The following EPHA3 variants were observed in gnomAD, a reference collection of about 807,000 sequenced individuals.
The protein encoded by EPHA3 is EPH receptor A3.
EPHA3 carries 42 observed loss-of-function variants against 107.1 expected under a neutral mutation model. The observed-to-expected ratio is 0.39, with a 90% CI of 0.31 to 0.51. The LOEUF (loss-of-function observed/expected upper bound fraction) is 0.51, where lower values mean the gene tolerates loss of function less well. EPHA3 is among the 20% of genes least tolerant of loss of function. The pLI is 0.78. For missense variants in EPHA3, 1,183 were observed against 1,211.2 expected (o/e 0.98, Z 0.35); for synonymous variants, 461 against 424.8 (o/e 1.09, Z -1.05).
At chr3:89,352,713 G>A (rs1707855689) in intron 5 of EPHA3, among the ~76,000 whole-genome samples, 1 of 150,516 alleles carries the variant, frequency 6.6e-6, no homozygotes, top group South Asian at 2.1e-4. Flanking sequence ...AGACCAGCCT[G>A]GTCAACATGG....
At chr3:89,372,531 C>T (rs1708328108) in intron 5 of EPHA3, among the ~76,000 whole-genome samples, 3 of 151,450 alleles carry the variant, frequency 2.0e-5, no homozygotes, top group Admixed American at 2.0e-4. Context: ...TTAACCACTT[C>T]ATCAGACTTG....
intron 5 of EPHA3, among the ~76,000 whole-genome samples, chr3:89,359,766 T>TAC (rs565012832): frequency 1.3e-5 from 1 of 79,804 alleles, no homozygotes; most frequent in East Asian, 2.4e-4. Context: ...TACACATATA[T>TAC]ACACACATAT....
intron 2 of EPHA3, among the ~76,000 whole-genome samples, chr3:89,197,145 T>TAA (rs1705854632): frequency 6.6e-6 from 1 of 152,186 alleles, no homozygotes; most frequent in African/African-American, 2.4e-5. Flanking sequence ...TAAAAGGACC[T>TAA]AAATGACCTT....
intron 2 of EPHA3, among the ~76,000 whole-genome samples, chr3:89,164,780 G>A (rs1705028190): frequency 1.3e-5 from 2 of 152,148 alleles, no homozygotes; most frequent in African/African-American, 4.8e-5. Context: ...ATGTGTGCTG[G>A]TAGGATAATG....
At position 89,344,285 on chromosome 3, in the gene EPHA3, G is replaced by A. The variant is rs190123024; in HGVS notation, c.1306+2195G>A. Among the ~76,000 whole-genome samples, 7 of 152,188 alleles carry A rather than the reference G, an allele frequency of 4.6e-5. No individual in the cohort carries two copies. In the East Asian group the frequency reaches 1.2e-3, roughly 25 times the overall value. Reference sequence around the variant, plus strand: ...AAAGTGGCAACCAAGATCAGGCCAAGACATTAAAAAATAAATGAGATTGAT... The same window carrying A: ...AAAGTGGCAACCAAGATCAGGCCAAAACATTAAAAAATAAATGAGATTGAT... On this transcript the variant is annotated intron_variant, in intron 5 of 16. Coordinates refer to ENST00000336596, the MANE Select transcript of EPHA3 (RefSeq NM_005233.6).
chr3:89,303,876 T>C (rs570415373), intron 3 of EPHA3, among the ~76,000 whole-genome samples: 1 of 152,270 alleles, frequency 6.6e-6, no homozygotes, highest in African/African-American at 2.4e-5. Flanking sequence ...TGTTTTTATG[T>C]CCAAAGTGAC....
intron 3 of EPHA3, among the ~76,000 whole-genome samples, chr3:89,212,505 G>C (rs1308541600): frequency 6.6e-6 from 1 of 151,804 alleles, no homozygotes; most frequent in African/African-American, 2.4e-5. Context: ...ATATTTTTTA[G>C]ATCCCAGCAT....
intron 11 of EPHA3, among the ~76,000 whole-genome samples, chr3:89,423,527 G>T (rs555909646): frequency 6.6e-6 from 1 of 151,432 alleles, no homozygotes; most frequent in East Asian, 1.9e-4. Flanking sequence ...AATTTACAGA[G>T]ATAGTTTGTT....
rs182310987 is a variant in EPHA3 at position 89,429,791 on chromosome 3, G to C, written c.2136+624G>C. On this transcript the variant is annotated intron_variant, in intron 12 of 16. Coordinates refer to ENST00000336596, the MANE Select transcript of EPHA3 (RefSeq NM_005233.6). ...TTGTTGCCCAGGCAATGGTGCAATG[G>C]TGCAATGGTGCAATGGTGCAATGGT... Among the ~76,000 whole-genome samples the C allele has an allele frequency of 2.7e-5, 4 of 148,110 alleles. No individual in the cohort carries two copies. In the East Asian group the frequency reaches 7.8e-4, roughly 29 times the overall value.
chr3:89,189,293 T>C (rs1705645616), intron 2 of EPHA3, among the ~76,000 whole-genome samples: 1 of 152,162 alleles, frequency 6.6e-6, no homozygotes, highest in Admixed American at 6.6e-5. Flanking sequence ...CCTAATATAA[T>C]GTTGAAAACT....
In EPHA3 at chr3:89,407,380, A is replaced by C; in HGVS notation, c.1697+9A>C. The C allele has an allele frequency of 6.2e-6, 10 of 1,606,504 alleles. No individual in the cohort carries two copies. The highest frequency in any genetic ancestry group is 8.5e-6 in the Non-Finnish European group (10 of 1,173,500). The stretch of plus-strand genomic sequence containing the variant: ...TATGTTTTGATTGGGAGGTGAGTTC[A>C]CAGTCTGTTTCACTATTCACTTTCT... On this transcript the variant is annotated intron_variant, in intron 8 of 16. Coordinates refer to ENST00000336596, the MANE Select transcript of EPHA3 (RefSeq NM_005233.6).
At chr3:89,405,494 A>G (rs942127125) in intron 7 of EPHA3, among the ~76,000 whole-genome samples, 17 of 152,174 alleles carry the variant, frequency 1.1e-4, no homozygotes, top group African/African-American at 4.1e-4. Flanking sequence ...AGGGCTTACA[A>G]CAGTTTATAT....
In EPHA3 at chr3:89,208,480, AAG is replaced by A. The variant is rs1271830884; in HGVS notation, c.154-1376_154-1375del. Among the ~76,000 whole-genome samples, 29 of 145,974 alleles carry A rather than the reference AAG, an allele frequency of 2.0e-4. 1 individual carries two copies. The highest frequency in any genetic ancestry group is 5.2e-4 in the African/African-American group (20 of 38,784). Reference sequence around the variant, plus strand: ...AAAGAAAGAAAGAAAGAAAGAAAGAAAGAGAAAAAGAAAGGAGGGAGGGAGGG... The same window carrying A: ...AAAGAAAGAAAGAAAGAAAGAAAGAAAGAAAAAGAAAGGAGGGAGGGAGGG... On this transcript the variant is annotated intron_variant, in intron 2 of 16. Coordinates refer to ENST00000336596, the MANE Select transcript of EPHA3 (RefSeq NM_005233.6).
At chr3:89,307,081 T>C (rs981499811) in intron 3 of EPHA3, among the ~76,000 whole-genome samples, 4 of 152,182 alleles carry the variant, frequency 2.6e-5, no homozygotes, top group Non-Finnish European at 5.9e-5. Context: ...TTTTGCTAGG[T>C]TTCAGGAAGT....
chr3:89,449,218 T>C lies in EPHA3; in HGVS notation c.2347-7T>C, dbSNP rs2107553171. On this transcript the variant is annotated splice_polypyrimidine_tract_variant and splice_region_variant and intron_variant, in intron 13 of 16. Transcript: ENST00000336596. The stretch of plus-strand genomic sequence containing the variant: ...TGATTTATGTAGACATGATTTTATA[T>C]TCAAAGGGAGGGAAGATCCCAATCA... The C allele has an allele frequency of 6.2e-7, 1 of 1,600,410 alleles. No homozygotes were observed. Among genetic ancestry groups the C allele is most frequent in the South Asian group, 1.1e-5 (1 of 89,284 alleles).
At chr3:89,164,349 C>A (rs1559759368) in intron 2 of EPHA3, among the ~76,000 whole-genome samples, 2 of 151,712 alleles carry the variant, frequency 1.3e-5, no homozygotes, top group East Asian at 1.9e-4. Context: ...CATCCTGGGC[C>A]GCATGCGGCC....
intron 12 of EPHA3, among the ~76,000 whole-genome samples, chr3:89,430,062 C>A (rs1364809380): frequency 1.3e-5 from 2 of 152,056 alleles, no homozygotes; most frequent in Non-Finnish European, 2.9e-5. Context: ...CCGCACCTGG[C>A]CATATTTTGA....
chr3:89,296,385 T>C (rs779723252), intron 3 of EPHA3, among the ~76,000 whole-genome samples: 28 of 152,236 alleles, frequency 1.8e-4, no homozygotes, highest in Non-Finnish European at 4.0e-4. Flanking sequence ...AATGTTATGT[T>C]AACACGCATG....
At chr3:89,264,625 T>G (rs1418681210) in intron 3 of EPHA3, among the ~76,000 whole-genome samples, 1 of 152,138 alleles carries the variant, frequency 6.6e-6, no homozygotes, top group Non-Finnish European at 1.5e-5. Context: ...CACAAATAAA[T>G]TAATCCTTGT....
Sources: allele counts gnomAD v4.1 joint callset (sites outside exome capture counted in the v4.1 genomes callset), GRCh38; gene constraint gnomAD v4.1.1; transcripts MANE v1.5; gene names NCBI Gene and HGNC (gene_info 2026-07-23, HGNC 2026-07-21).